TTC3: variants seen among roughly 807,000 people sequenced by gnomAD.
TTC3 encodes E3 ubiquitin-protein ligase TTC3.
In TTC3, 180 loss-of-function variants were observed where a neutral mutation model predicts 249.6. The ratio of observed to expected loss-of-function variants is 0.72; its 90% CI spans 0.64 to 0.82. The LOEUF is 0.82. TTC3 is among the 40% of genes least tolerant of loss of function. The pLI is 0.00. For missense variants in TTC3, 2,061 were observed against 2,398.4 expected (o/e 0.86, Z 2.94); for synonymous variants, 717 against 805.0 (o/e 0.89, Z 1.85).
intron 41 of TTC3, chr21:37,194,396 T>C (rs1405576775): frequency 6.6e-6 from 1 of 152,190 alleles, no homozygotes; most frequent in African/African-American, 2.4e-5. Flanking sequence ...TTCATGCTGT[T>C]GCTGCTCCCT....
chr21:37,125,600 A>G (rs1445313109), intron 14 of TTC3, among the ~76,000 whole-genome samples: 2 of 152,074 alleles, frequency 1.3e-5, no homozygotes, highest in East Asian at 1.9e-4. Flanking sequence ...GATCGCTATT[A>G]TAATTGATCT....
intron 7 of TTC3, among the ~76,000 whole-genome samples, chr21:37,092,963 G>A (rs1382072785): frequency 6.6e-6 from 1 of 152,072 alleles, no homozygotes; most frequent in Non-Finnish European, 1.5e-5. Flanking sequence ...TTTTACTCAT[G>A]AGAGTCAAAA....
intron 5 of TTC3, among the ~76,000 whole-genome samples, chr21:37,089,639 G>A (rs1001141505): frequency 2.6e-5 from 4 of 151,974 alleles, no homozygotes; most frequent in African/African-American, 9.7e-5. Context: ...TCAGCCTCCC[G>A]AGTAGCTGGG....
chr21:37,089,459 C>A (rs1345415259), intron 5 of TTC3, among the ~76,000 whole-genome samples: 3 of 151,988 alleles, frequency 2.0e-5, no homozygotes, highest in Admixed American at 2.0e-4. Context: ...TAGTTATTTG[C>A]AGTAACATAC....
At chr21:37,089,294 T>A (rs979743349) in intron 5 of TTC3, among the ~76,000 whole-genome samples, 4 of 152,214 alleles carry the variant, frequency 2.6e-5, no homozygotes, top group Admixed American at 2.6e-4. Flanking sequence ...GTGTCCTTCA[T>A]TATGCTATTG....
chr21:37,082,767 C>G (rs1472470850), intron 1 of TTC3: 27 of 984,840 alleles, frequency 2.7e-5, no homozygotes, highest in South Asian at 1.9e-4. Context: ...TACATTCCCC[C>G]AGAGTGTATA....
intron 15 of TTC3, among the ~76,000 whole-genome samples, chr21:37,127,944 G>A (rs1017605966): frequency 2.0e-5 from 3 of 152,222 alleles, no homozygotes; most frequent in Admixed American, 2.0e-4. Flanking sequence ...TTTTTTGGAA[G>A]ATAGCTTTTA....
rs995738745 is a variant in TTC3, at chr21:37,095,013, G to A, written c.688-337G>A. 7.2e-5 allele frequency among the ~76,000 whole-genome samples: 11 copies of A among 152,028 alleles called. 1 individual carries two copies. Among genetic ancestry groups the A allele is most frequent in the Non-Finnish European group, 5.9e-5 (4 of 67,998 alleles). ...TAGCTTGGCATGGTGGGGTGCACTT[G>A]TAGTCCTAGCTACTTGGGAGACTGA... is the stretch of plus-strand genomic sequence containing the variant. On this transcript the variant is annotated intron_variant, in intron 8 of 45. Coordinates refer to ENST00000355666, the Ensembl canonical transcript of TTC3.
chr21:37,082,068 T>A (rs2071763267), intron 1 of TTC3: 1 of 152,140 alleles, frequency 6.6e-6, no homozygotes, highest in Non-Finnish European at 1.5e-5. Context: ...GGTTTCACCG[T>A]GTTACCCAGG....
chr21:37,188,309 T>C (rs2083541676), intron 38 of TTC3, 186 bp from the exon 39 acceptor site: 3 of 515,352 alleles, frequency 5.8e-6, no homozygotes, highest in Non-Finnish European at 1.1e-5. Context: ...TGATGTCATT[T>C]TGTTCTGTTT....
At chr21:37,186,036 A>G (rs762825341) in intron 37 of TTC3, 9 of 173,046 alleles carry the variant, frequency 5.2e-5, no homozygotes, top group East Asian at 1.5e-4. Flanking sequence ...ATTGTTGTCA[A>G]CTTTTTTTGG....
chr21:37,111,641 G>A (rs1400418665), intron 11 of TTC3, among the ~76,000 whole-genome samples: 1 of 152,044 alleles, frequency 6.6e-6, no homozygotes, highest in African/African-American at 2.4e-5. Context: ...ACAGATCAAC[G>A]AGACAGAAAA....
Position 37,104,606 on chromosome 21 carries a change from A to AAAAG in TTC3, c.846-3779_846-3776dup, listed in dbSNP as rs1446558609. On this transcript the variant is annotated intron_variant, in intron 10 of 45. Transcript: ENST00000355666. ...TCCGTCTCAAAAAAAAAAAAAAAAA[A>AAAAG]AAAGAAAGAAGTGCCTTTGAAGCAT... 2.2e-4 allele frequency among the ~76,000 whole-genome samples: 33 copies of AAAAG among 150,850 alleles called. 1 individual carries two copies. The highest frequency in any genetic ancestry group is 3.4e-3 in the Middle Eastern group (1 of 294).
intron 11 of TTC3, among the ~76,000 whole-genome samples, chr21:37,116,552 T>C (rs1005247150): frequency 6.6e-6 from 1 of 152,168 alleles, no homozygotes; most frequent in Admixed American, 6.5e-5. Flanking sequence ...CTCACACCTG[T>C]AATCCTAGCA....
At chr21:37,124,966 G>A (rs764127422) in intron 14 of TTC3, among the ~76,000 whole-genome samples, 48 of 152,124 alleles carry the variant, frequency 3.2e-4, no homozygotes, top group Non-Finnish European at 6.0e-4. Flanking sequence ...TCACATTTAT[G>A]TGTTTCCAAC....
intron 29 of TTC3, among the ~76,000 whole-genome samples, chr21:37,160,108 A>T (rs2080558312): frequency 6.6e-6 from 1 of 152,172 alleles, no homozygotes; most frequent in South Asian, 2.1e-4. Context: ...AAACAAAGGG[A>T]CTTTGTTTTG....
intron 7 of TTC3, among the ~76,000 whole-genome samples, chr21:37,093,609 G>T (rs2073580079): frequency 6.6e-6 from 1 of 151,994 alleles, no homozygotes; most frequent in Admixed American, 6.6e-5. Flanking sequence ...ATTGAATATT[G>T]TGCATGGTAC....
chr21:37,187,108 A>AT lies in TTC3; in HGVS notation c.4888dup (p.Tyr1630LeufsTer2), dbSNP rs757464338. ...GAGTATATAAAGAAAGGGAAAGAGGATTATGAAGAGAGTCATCAGAGAGCT... is the reference window on the plus strand; with the variant it reads ...GAGTATATAAAGAAAGGGAAAGAGGATTTATGAAGAGAGTCATCAGAGAGCT... On this transcript the variant is annotated frameshift_variant, in exon 38 of 46. Transcript: ENST00000355666. LOFTEE classifies it high-confidence loss of function. 1.3e-6 allele frequency: 2 copies of AT among 1,579,218 alleles called. No individual in the cohort carries two copies. Among genetic ancestry groups the AT allele is most frequent in the South Asian group, 2.4e-5 (2 of 83,796 alleles).
chr21:37,105,980 G>T (rs1479890832), intron 10 of TTC3, among the ~76,000 whole-genome samples: 1 of 151,972 alleles, frequency 6.6e-6, no homozygotes, highest in African/African-American at 2.4e-5. Context: ...TGGGACAGAG[G>T]GTATGCTTAT....
Sources: gnomAD v4.1 joint callset for allele counts (sites outside exome capture counted in the v4.1 genomes callset) on GRCh38, gnomAD v4.1.1 for gene constraint, MANE v1.5 for transcripts, NCBI Gene and HGNC (gene_info 2026-07-23, HGNC 2026-07-21) for gene names.